NRG1: variants seen among roughly 807,000 people sequenced by gnomAD.
The protein encoded by NRG1 is pro-neuregulin-1, membrane-bound isoform.
Under a neutral mutation model 63.8 loss-of-function variants are expected in NRG1, and 18 were observed. The observed-to-expected ratio is 0.28, with a 90% CI of 0.19 to 0.42. NRG1 has a LOEUF of 0.42. Among genes scored for constraint, NRG1 ranks in the 10% least tolerant of loss-of-function variants. NRG1 has a pLI of 1.00. For synonymous variants in NRG1, 302 were observed against 301.3 expected, an observed-to-expected ratio of 1.00 and a Z score of -0.02; for missense variants, 762 against 814.7, an observed-to-expected ratio of 0.94 and a Z score of 0.79.
At chr8:32,367,502 T>A (rs375313479) in intron 1 of NRG1, among the ~76,000 whole-genome samples, 38 of 152,278 alleles carry the variant, frequency 2.5e-4, no homozygotes, top group Non-Finnish European at 4.6e-4. Context: ...TTTTACATAT[T>A]TGGCTTTTGT....
At chr8:32,013,710 A>G (rs1815089552) in intron 1 of NRG1, among the ~76,000 whole-genome samples, 1 of 152,160 alleles carries the variant, frequency 6.6e-6, no homozygotes, top group Non-Finnish European at 1.5e-5. Context: ...CTACCCTATC[A>G]TCTCAAAACT....
chr8:32,466,566 C>T (rs1188583781), intron 1 of NRG1, among the ~76,000 whole-genome samples: 1 of 152,096 alleles, frequency 6.6e-6, no homozygotes, highest in Non-Finnish European at 1.5e-5. Flanking sequence ...AGATGTCTCC[C>T]CAAACTTTAC....
chr8:32,520,004 TCACACA>T (rs1448138315), intron 1 of NRG1, among the ~76,000 whole-genome samples: 1 of 152,042 alleles, frequency 6.6e-6, no homozygotes, highest in Admixed American at 6.6e-5. Context: ...GCACACACAC[TCACACA>T]CATATACACA....
At chr8:31,650,428 C>G (rs1804720508) in intron 1 of NRG1, among the ~76,000 whole-genome samples, 1 of 152,200 alleles carries the variant, frequency 6.6e-6, no homozygotes, top group African/African-American at 2.4e-5. Context: ...TTCATCCACT[C>G]TGACTGCTCC....
intron 1 of NRG1, among the ~76,000 whole-genome samples, chr8:32,549,705 G>A (rs550869704): frequency 3.0e-4 from 45 of 152,286 alleles, no homozygotes; most frequent in African/African-American, 1.0e-3. Flanking sequence ...ACACGAGCAT[G>A]AACAAAAGCT....
At chr8:31,857,475 G>A (rs189152243) in intron 1 of NRG1, among the ~76,000 whole-genome samples, 29 of 152,300 alleles carry the variant, frequency 1.9e-4, no homozygotes, top group East Asian at 9.7e-4. Context: ...TTTGGCTCGC[G>A]CAGGGTATGC....
intron 5 of NRG1, among the ~76,000 whole-genome samples, chr8:32,711,910 A>G (rs1007959379): frequency 2.0e-5 from 3 of 152,204 alleles, no homozygotes; most frequent in Non-Finnish European, 2.9e-5. Context: ...TTCTTCAATA[A>G]TAAGAAAACC....
At chr8:32,596,715 A>G (rs945967790) in intron 2 of NRG1, among the ~76,000 whole-genome samples, 4 of 152,176 alleles carry the variant, frequency 2.6e-5, no homozygotes, top group African/African-American at 9.7e-5. Context: ...GTGAATACTT[A>G]GATTTATGGA....
chr8:32,604,251 A>G (rs1294254309), intron 2 of NRG1, among the ~76,000 whole-genome samples: 3 of 152,180 alleles, frequency 2.0e-5, no homozygotes, highest in Non-Finnish European at 4.4e-5. Context: ...TTGTAGGAAG[A>G]AAAAATGACA....
chr8:32,702,505 G>A lies in NRG1; in HGVS notation c.503-25444G>A, dbSNP rs556957072. Among the ~76,000 whole-genome samples the A allele has an allele frequency of 6.6e-5, 10 of 152,154 alleles. No homozygotes were observed. In the South Asian group the frequency reaches 1.5e-3, roughly 22 times the overall value. On this transcript the variant is annotated intron_variant, in intron 5 of 11. Transcript: ENST00000356819. The stretch of plus-strand genomic sequence containing the variant: ...GTATTACTATGAATTGTTCTTTTTT[G>A]AGGAGGAGTCTCGCCTTGTGGCCCA...
chr8:31,832,373 C>T (rs1426827192), intron 1 of NRG1, among the ~76,000 whole-genome samples: 2 of 151,772 alleles, frequency 1.3e-5, no homozygotes, highest in Non-Finnish European at 1.5e-5. Context: ...GATCCTCCCA[C>T]GTCAGCCTCC....
chr8:32,335,042 A>G (rs564139901), intron 1 of NRG1, among the ~76,000 whole-genome samples: 6 of 152,162 alleles, frequency 3.9e-5, no homozygotes, highest in Non-Finnish European at 8.8e-5. Context: ...GGCTCAGAAA[A>G]ATAATGATCC....
chr8:32,094,924 T>C (rs1829694069), intron 1 of NRG1, among the ~76,000 whole-genome samples: 1 of 151,546 alleles, frequency 6.6e-6, no homozygotes, highest in Non-Finnish European at 1.5e-5. Context: ...TTTTTTTTTT[T>C]TTTTTTGAGA....
intron 1 of NRG1, among the ~76,000 whole-genome samples, chr8:31,651,397 GGT>G (rs1804825161): frequency 1.3e-5 from 2 of 152,138 alleles, no homozygotes; most frequent in South Asian, 4.1e-4. Context: ...AGATTTGAAT[GGT>G]TTTACTATTT....
At chr8:32,038,018 G>C (rs1281280450) in intron 1 of NRG1, among the ~76,000 whole-genome samples, 1 of 152,216 alleles carries the variant, frequency 6.6e-6, no homozygotes, top group Non-Finnish European at 1.5e-5. Flanking sequence ...TTTTCCCAGA[G>C]CTAGAGTATG....
chr8:32,312,157 GTTTTTTTTTTT>G (rs35888973), intron 1 of NRG1, among the ~76,000 whole-genome samples: 1 of 74,400 alleles, frequency 1.3e-5, no homozygotes, highest in Non-Finnish European at 2.3e-5. Context: ...GACCTTGTTT[GTTTTTTTTTTT>G]TTTTTTTTTT....
At chr8:32,145,483 C>T (rs55930534) in intron 1 of NRG1, among the ~76,000 whole-genome samples, 1 of 152,274 alleles carries the variant, frequency 6.6e-6, no homozygotes, top group Non-Finnish European at 1.5e-5. Context: ...AGAACATATG[C>T]CCTTTTCTGT....
intron 1 of NRG1, among the ~76,000 whole-genome samples, chr8:32,474,251 T>C (rs904843071): frequency 1.3e-5 from 2 of 152,204 alleles, no homozygotes; most frequent in African/African-American, 4.8e-5. Context: ...TCTAACAATA[T>C]TGCCCATTCC....
intron 1 of NRG1, among the ~76,000 whole-genome samples, chr8:31,720,053 TA>T (rs1240776866): frequency 6.6e-6 from 1 of 152,242 alleles, no homozygotes; most frequent in East Asian, 1.9e-4. Context: ...AAATAACTTT[TA>T]AAAAAATACA....
Sources: allele counts gnomAD v4.1 joint callset (sites outside exome capture counted in the v4.1 genomes callset), GRCh38; gene constraint gnomAD v4.1.1; transcripts MANE v1.5; gene names NCBI Gene and HGNC (gene_info 2026-07-23, HGNC 2026-07-21).